CHD6: variants seen among roughly 807,000 people sequenced by gnomAD.
CHD6 encodes the protein ATP-dependent chromatin remodeler CHD6.
Under a neutral mutation model 276.9 loss-of-function variants are expected in CHD6, and 50 were observed. The ratio of observed to expected loss-of-function variants is 0.18; its 90% CI spans 0.14 to 0.23. The LOEUF is 0.23. CHD6 is among the 10% of genes least tolerant of loss of function. The pLI, the probability that CHD6 is intolerant of heterozygous loss-of-function variation, is 1.00. For synonymous variants in CHD6, 1,173 were observed against 1,229.3 expected, an observed-to-expected ratio of 0.95 and a Z score of 0.96; for missense variants, 2,564 against 3,365.8, an observed-to-expected ratio of 0.76 and a Z score of 5.89.
chr20:41,538,524 G>A (rs2044879909), intron 2 of CHD6, among the ~76,000 whole-genome samples: 1 of 152,080 alleles, frequency 6.6e-6, no homozygotes, highest in Admixed American at 6.5e-5. Context: ...AGACAAATTG[G>A]GGGTTACGAA....
chr20:41,607,130 C>A (rs564169821), intron 1 of CHD6, among the ~76,000 whole-genome samples: 1 of 152,308 alleles, frequency 6.6e-6, no homozygotes, highest in Admixed American at 6.5e-5. Flanking sequence ...ATGAACTTAT[C>A]ATTTGCCTCT....
chr20:41,425,260 C>G lies in CHD6; in HGVS notation c.4264G>C (p.Gly1422Arg). 1 of 1,614,174 alleles carries G rather than the reference C, an allele frequency of 6.2e-7. No individual in the cohort carries two copies. The highest frequency in any genetic ancestry group is 8.5e-7 in the Non-Finnish European group (1 of 1,180,028). ...TCCTGAACCCAATATCCTTGGTTAC[C>G]TGGTCCCAGAATTTCAGGCCGGCAC... ...ELCRPEILGPGNQGYWVQEEM... is the reference protein window; with the variant it reads ...ELCRPEILGPRNQGYWVQEEM... The change falls in exon 29 of 37, where the codon GGT (glycine) becomes CGT (arginine). Residue 1422 changes from glycine (G) to arginine (R), a missense_variant. By Grantham distance (125) the Gly-to-Arg change is moderately radical (BLOSUM62 -2). This residue lies in a region of CHD6 where 515 missense variants were observed against 739.5 expected (regional missense o/e 0.70). Coordinates refer to ENST00000373233, the MANE Select transcript of CHD6 (RefSeq NM_032221.5).
At chr20:41,516,184 G>C (rs926381054) in intron 3 of CHD6, among the ~76,000 whole-genome samples, 1 of 145,952 alleles carries the variant, frequency 6.9e-6, no homozygotes, top group African/African-American at 2.6e-5. Flanking sequence ...TTTTTTTTTA[G>C]ACGGAGTCTC....
At chr20:41,582,745 A>G (rs747926826) in intron 1 of CHD6, among the ~76,000 whole-genome samples, 1 of 152,246 alleles carries the variant, frequency 6.6e-6, no homozygotes, top group Admixed American at 6.5e-5. Flanking sequence ...TTTAGTAGAC[A>G]ATATGTATGA....
intron 5 of CHD6, among the ~76,000 whole-genome samples, chr20:41,506,840 T>C (rs554109110): frequency 2.7e-4 from 41 of 152,336 alleles, no homozygotes; most frequent in African/African-American, 9.9e-4. Flanking sequence ...AGAAATTAGA[T>C]AGTCCTTGGC....
intron 1 of CHD6, among the ~76,000 whole-genome samples, chr20:41,598,593 A>T (rs2045742868): frequency 6.6e-6 from 1 of 152,256 alleles, no homozygotes; most frequent in South Asian, 2.1e-4. Context: ...GCAATAAGGC[A>T]TGCCAAACTC....
At position 41,404,807 on chromosome 20, in the gene CHD6, G is replaced by A. The variant is rs201674871; in HGVS notation, c.7934C>T (p.Ser2645Leu). The A allele has an allele frequency of 1.9e-5, 30 of 1,613,430 alleles. No homozygotes were observed. Among genetic ancestry groups the A allele is most frequent in the African/African-American group, 1.1e-4 (8 of 74,988 alleles). The change falls in exon 37 of 37, where the codon TCG becomes TTG. Residue 2645 changes from serine to leucine, a missense_variant. Ser to Leu is a moderately radical substitution (Grantham distance 145). This residue lies in a region of CHD6 where 238 missense variants were observed against 266.0 expected (regional missense o/e 0.89). Coordinates refer to ENST00000373233, the MANE Select transcript of CHD6 (RefSeq NM_032221.5). ...CTGGCTCTCCAGACCTACTATTTCC[G>A]AGTGTCTGGCCTGCTGCATGGCTGG... is the stretch of plus-strand genomic sequence containing the variant. ...ALPAMQQARH[S>L]EIVGLESQKR... is the part of the protein sequence containing the mutation.
intron 1 of CHD6, among the ~76,000 whole-genome samples, chr20:41,595,328 G>C (rs138673992): frequency 4.3e-4 from 65 of 152,320 alleles, no homozygotes; most frequent in African/African-American, 1.5e-3. Context: ...TCTGAAGCAA[G>C]TGTGGAGTCC....
At chr20:41,426,266 A>G (rs1600830333) in intron 27 of CHD6, 113 bp from the exon 28 acceptor site, 1 of 791,790 alleles carries the variant, frequency 1.3e-6, no homozygotes, top group Non-Finnish European at 2.3e-6. Flanking sequence ...TCCCCTGCCC[A>G]TGAACAACTC....
intron 33 of CHD6, among the ~76,000 whole-genome samples, chr20:41,415,898 C>G (rs1313963597): frequency 1.3e-5 from 2 of 152,200 alleles, no homozygotes; most frequent in Non-Finnish European, 1.5e-5. Flanking sequence ...AGTCCGTGAA[C>G]TACATTTGGT....
intron 8 of CHD6, among the ~76,000 whole-genome samples, chr20:41,495,662 G>A (rs971836819): frequency 7.2e-5 from 11 of 152,192 alleles, no homozygotes; most frequent in Admixed American, 4.6e-4. Flanking sequence ...CTTATGTGAG[G>A]TGATGGATAT....
chr20:41,544,879 G>A (rs570467311), intron 2 of CHD6, among the ~76,000 whole-genome samples: 1 of 151,632 alleles, frequency 6.6e-6, no homozygotes, highest in South Asian at 2.1e-4. Context: ...AATTTACTTT[G>A]GTCTTATAAA....
chr20:41,579,920 G>A (rs1354845876), intron 1 of CHD6, among the ~76,000 whole-genome samples: 1 of 152,084 alleles, frequency 6.6e-6, no homozygotes, highest in African/African-American at 2.4e-5. Context: ...GAAAAAAATT[G>A]GGTTTTTGTT....
chr20:41,464,090 G>C (rs1432896346), intron 17 of CHD6, among the ~76,000 whole-genome samples: 1 of 152,066 alleles, frequency 6.6e-6, no homozygotes, highest in African/African-American at 2.4e-5. Flanking sequence ...TGGTGAATCT[G>C]GATAAAGGGT....
chr20:41,467,337 G>C (rs2042943443), intron 17 of CHD6, among the ~76,000 whole-genome samples: 1 of 151,974 alleles, frequency 6.6e-6, no homozygotes, highest in Non-Finnish European at 1.5e-5. Context: ...ACTAGGGCCA[G>C]GAACTCAGAT....
intron 1 of CHD6, among the ~76,000 whole-genome samples, chr20:41,611,790 G>A (rs1315695123): frequency 2.6e-5 from 4 of 152,002 alleles, no homozygotes; most frequent in Non-Finnish European, 5.9e-5. Flanking sequence ...AGCACATGCC[G>A]CCATGCTTGG....
At chr20:41,444,915 C>T (rs1183600513) in intron 25 of CHD6, among the ~76,000 whole-genome samples, 2 of 152,222 alleles carry the variant, frequency 1.3e-5, no homozygotes, top group African/African-American at 4.8e-5. Context: ...ATACCTAACT[C>T]TTTTCACTTT....
chr20:41,578,098 A>AT (rs1244093833), intron 1 of CHD6, among the ~76,000 whole-genome samples: 6 of 152,170 alleles, frequency 3.9e-5, no homozygotes, highest in African/African-American at 1.4e-4. Flanking sequence ...CTTCACCATG[A>AT]TTCATACTCC....
intron 24 of CHD6, among the ~76,000 whole-genome samples, chr20:41,447,619 T>C (rs535115461): frequency 1.3e-5 from 2 of 152,342 alleles, no homozygotes; most frequent in South Asian, 2.1e-4. Context: ...AGAAAATTTA[T>C]AACACTTTTG....
Sources: allele counts gnomAD v4.1 joint callset (sites outside exome capture counted in the v4.1 genomes callset), GRCh38; gene constraint gnomAD v4.1.1; regional missense constraint gnomAD v4.1.1; transcripts MANE v1.5; gene names NCBI Gene and HGNC (gene_info 2026-07-23, HGNC 2026-07-21).